Variants in UGGT2 observed in about 807,000 individuals in gnomAD.
The protein encoded by UGGT2 is UDP-glucose glycoprotein glucosyltransferase 2, also known as UDP-glucose:glycoprotein glucosyltransferase 2.
UGGT2 carries 180 observed loss-of-function variants against 192.1 expected under a neutral mutation model. The observed-to-expected ratio is 0.94, with a 90% CI of 0.83 to 1.06. UGGT2 has a LOEUF of 1.06. UGGT2 is among the 50% of genes least tolerant of loss of function. The probability of loss-of-function intolerance (pLI) is 0.00; values close to 1 mark genes in which losing one functional copy is unlikely to be tolerated. For synonymous variants in UGGT2, 580 were observed against 591.0 expected (o/e 0.98, Z 0.27); for missense variants, 1,849 against 1,795.7 (o/e 1.03, Z -0.54).
chr13:95,910,689 T>C (rs2048464647), intron 20 of UGGT2, among the ~76,000 whole-genome samples: 1 of 151,684 alleles, frequency 6.6e-6, no homozygotes, highest in Admixed American at 6.6e-5. Flanking sequence ...ACAAGACAAA[T>C]GTTAACAAGG....
At chr13:95,936,239 T>C (rs1315106881) in intron 17 of UGGT2, among the ~76,000 whole-genome samples, 2 of 152,254 alleles carry the variant, frequency 1.3e-5, no homozygotes, top group Non-Finnish European at 2.9e-5. Flanking sequence ...CTTTCAATTA[T>C]ATTTTGAAAT....
At chr13:95,863,984 G>C (rs1202465308) in intron 30 of UGGT2, among the ~76,000 whole-genome samples, 1 of 151,912 alleles carries the variant, frequency 6.6e-6, no homozygotes, top group East Asian at 1.9e-4. Flanking sequence ...TCAGCTTTAG[G>C]CATTATCTAC....
chr13:96,031,680 G>A (rs949904682), intron 2 of UGGT2, among the ~76,000 whole-genome samples: 10 of 151,828 alleles, frequency 6.6e-5, no homozygotes, highest in African/African-American at 2.4e-4. Context: ...AATTATATGA[G>A]GTATCTTATA....
intron 1 of UGGT2, among the ~76,000 whole-genome samples, chr13:96,044,701 T>G (rs1188777610): frequency 6.6e-6 from 1 of 152,080 alleles, no homozygotes; most frequent in Admixed American, 6.5e-5. Flanking sequence ...AAAAGATCAT[T>G]CAAGGCTACC....
At chr13:95,914,394 T>C (rs1020071844) in intron 20 of UGGT2, among the ~76,000 whole-genome samples, 5 of 152,062 alleles carry the variant, frequency 3.3e-5, no homozygotes, top group Non-Finnish European at 5.9e-5. Context: ...AATTAAAGAT[T>C]TGTCAATTTC....
intron 38 of UGGT2, among the ~76,000 whole-genome samples, chr13:95,831,994 T>C (rs1886749004): frequency 6.6e-6 from 1 of 151,912 alleles, no homozygotes; most frequent in African/African-American, 2.4e-5. Context: ...CATGGGTGTG[T>C]ATAATGAACT....
At chr13:95,827,178 TA>T (rs1886136028) in intron 38 of UGGT2, among the ~76,000 whole-genome samples, 1 of 152,210 alleles carries the variant, frequency 6.6e-6, no homozygotes, top group Non-Finnish European at 1.5e-5. Context: ...TAATGGCCTT[TA>T]AATATATGAC....
At chr13:95,948,210 C>G (rs2049940220) in intron 13 of UGGT2, 129 bp from the exon 14 acceptor site, 1 of 453,294 alleles carries the variant, frequency 2.2e-6, no homozygotes, top group Admixed American at 3.5e-5. Context: ...TCTAGCAATT[C>G]TAAGGAATAC....
intron 36 of UGGT2, 36 bp downstream of exon 36, chr13:95,853,507 A>G: frequency 6.4e-7 from 1 of 1,569,244 alleles, no homozygotes; most frequent in East Asian, 2.2e-5. Flanking sequence ...GTCTATGTAC[A>G]CACACTCAAA....
At chr13:95,867,141 T>A (rs547756479) in intron 30 of UGGT2, among the ~76,000 whole-genome samples, 198 bp downstream of exon 30, 32 of 152,180 alleles carry the variant, frequency 2.1e-4, no homozygotes, top group African/African-American at 7.5e-4. Context: ...TAAAAAAAAA[T>A]CCTTCTCTTC....
chr13:95,999,339 A>C (rs148177199), intron 5 of UGGT2, 32 bp from the exon 6 acceptor site: 1 of 1,591,720 alleles, frequency 6.3e-7, no homozygotes, highest in East Asian at 2.2e-5. Context: ...ATAAAAAGCG[A>C]AAAGAGTTAG....
chr13:95,945,225 TTC>T (rs2049825096), intron 15 of UGGT2, among the ~76,000 whole-genome samples: 1 of 152,098 alleles, frequency 6.6e-6, no homozygotes, highest in Non-Finnish European at 1.5e-5. Context: ...TCTTATATTC[TTC>T]TCTCTTTATA....
intron 19 of UGGT2, 64 bp from the exon 20 acceptor site, chr13:95,925,838 G>T: frequency 8.9e-7 from 1 of 1,125,588 alleles, no homozygotes. Context: ...AAAAGCAGGG[G>T]AACATGTGCA....
chr13:95,949,187 A>G (rs886880113), intron 13 of UGGT2, 148 bp downstream of exon 13: 4 of 644,408 alleles, frequency 6.2e-6, no homozygotes, highest in African/African-American at 3.8e-5. Flanking sequence ...GTTGATACCC[A>G]GTCAGCCATG....
At chr13:96,032,234 A>C (rs1360528360) in intron 1 of UGGT2, among the ~76,000 whole-genome samples, 1 of 152,156 alleles carries the variant, frequency 6.6e-6, no homozygotes, top group Non-Finnish European at 1.5e-5. Flanking sequence ...TTTCCTTGTT[A>C]TTAGCAACAA....
At chr13:95,970,587 C>T (rs939757040) in intron 11 of UGGT2, among the ~76,000 whole-genome samples, 3 of 152,100 alleles carry the variant, frequency 2.0e-5, no homozygotes, top group African/African-American at 7.2e-5. Context: ...TTAGGTCACT[C>T]TTTTGACAAA....
At chr13:95,915,976 C>A (rs768635268) in intron 20 of UGGT2, among the ~76,000 whole-genome samples, 1 of 152,202 alleles carries the variant, frequency 6.6e-6, no homozygotes, top group Non-Finnish European at 1.5e-5. Context: ...TCCACTCAGC[C>A]GGCTCTGGAG....
chr13:95,931,608 C>T (rs1316745650), intron 17 of UGGT2, among the ~76,000 whole-genome samples: 1 of 152,036 alleles, frequency 6.6e-6, no homozygotes, highest in South Asian at 2.1e-4. Context: ...AAGCCCTGAC[C>T]CAGGGGGAGG....
intron 38 of UGGT2, among the ~76,000 whole-genome samples, chr13:95,823,050 A>C (rs1313276278): frequency 6.6e-6 from 1 of 152,096 alleles, no homozygotes; most frequent in Non-Finnish European, 1.5e-5. Context: ...TTAATCCCCA[A>C]ATCATTCAGG....
Sources: gnomAD v4.1 joint callset for allele counts (sites outside exome capture counted in the v4.1 genomes callset) on GRCh38, gnomAD v4.1.1 for gene constraint, MANE v1.5 for transcripts, NCBI Gene and HGNC (gene_info 2026-07-23, HGNC 2026-07-21) for gene names.